The following PRMT8 variants were observed in gnomAD, a reference collection of about 807,000 sequenced individuals.
PRMT8 encodes the protein protein arginine N-methyltransferase 8.
Under a neutral mutation model 47.1 loss-of-function variants are expected in PRMT8, and 7 were observed. That is an observed-to-expected ratio of 0.15 (90% CI 0.08 to 0.28). The LOEUF is 0.28. Among genes scored for constraint, PRMT8 ranks in the 10% least tolerant of loss-of-function variants. The probability of loss-of-function intolerance (pLI) is 1.00; values close to 1 mark genes in which losing one functional copy is unlikely to be tolerated. For synonymous variants in PRMT8, 188 were observed against 186.5 expected (o/e 1.01, Z -0.07); for missense variants, 237 against 505.4 (o/e 0.47, Z 5.09).
chr12:3,563,359 G>C (rs530539912), intron 4 of PRMT8, among the ~76,000 whole-genome samples: 13 of 151,940 alleles, frequency 8.6e-5, no homozygotes, highest in Middle Eastern at 6.8e-3. Context: ...CTATGTTCTC[G>C]GGTGAGTGGG....
At chr12:3,455,686 C>T (rs917231441) in intron 1 of PRMT8, among the ~76,000 whole-genome samples, 4 of 152,222 alleles carry the variant, frequency 2.6e-5, no homozygotes, top group South Asian at 2.1e-4. Context: ...GGAGGGTCAG[C>T]GGGGGGTGGG....
At chr12:3,386,383 T>G (rs1322204661) in intron 1 of PRMT8, among the ~76,000 whole-genome samples, 3 of 152,244 alleles carry the variant, frequency 2.0e-5, no homozygotes, top group African/African-American at 7.2e-5. Context: ...AAGTCAAAAA[T>G]TATTTATTAC....
At chr12:3,518,316 G>A (rs555846021) in intron 1 of PRMT8, among the ~76,000 whole-genome samples, 8 of 151,782 alleles carry the variant, frequency 5.3e-5, no homozygotes, top group African/African-American at 1.5e-4. Context: ...TCTAATGTGC[G>A]CCCTCCTAGA....
chr12:3,459,352 C>T (rs772509306), intron 1 of PRMT8, among the ~76,000 whole-genome samples: 13 of 152,102 alleles, frequency 8.5e-5, no homozygotes, highest in Admixed American at 4.6e-4. Flanking sequence ...CTATTAGCCA[C>T]GATTTGAAGC....
At position 3,508,706 on chromosome 12, in the gene PRMT8, C is replaced by T. The variant is rs1373919564; in HGVS notation, c.75+17006C>T. The stretch of plus-strand genomic sequence containing the variant: ...CCCATCCACTCTCTCAGCGTCATGA[C>T]CAGTTCCCATTCTCAGACTGCAGCC... On this transcript the variant is annotated intron_variant, in intron 1 of 9. Coordinates refer to ENST00000382622, the MANE Select transcript of PRMT8 (RefSeq NM_019854.5). This position sits in a 1 kb window ranked among gnomAD's most constrained non-coding sequence, Gnocchi z 4.9. 3.3e-5 allele frequency among the ~76,000 whole-genome samples: 5 copies of T among 152,162 alleles called. No individual in the cohort carries two copies. The highest frequency in any genetic ancestry group is 7.3e-5 in the Non-Finnish European group (5 of 68,036).
chr12:3,424,918 G>C (rs4766117), intron 1 of PRMT8, among the ~76,000 whole-genome samples: 2 of 152,016 alleles, frequency 1.3e-5, no homozygotes, highest in African/African-American at 4.8e-5. Context: ...TTGGCCATGC[G>C]TGGACCAGTC....
rs57318833 is a variant in PRMT8 at position 3,384,138 on chromosome 12, G to A, written c.48+2696G>A. On this transcript the variant is annotated intron_variant, in intron 1 of 9. Coordinates refer to the PRMT8 transcript ENST00000452611. ...AAGAGTGGTAAGAGAGGATAGTCTT[G>A]CCTTCCTTCTGATCCCAAGGAGGAA... 8.8e-3 allele frequency among the ~76,000 whole-genome samples: 1,347 copies of A among 152,228 alleles called. 13 individuals are homozygous for A. Among genetic ancestry groups the A allele is most frequent in the African/African-American group, 0.03 (1,259 of 41,518 alleles).
At chr12:3,413,308 C>T (rs758161299) in intron 1 of PRMT8, among the ~76,000 whole-genome samples, 6 of 152,146 alleles carry the variant, frequency 3.9e-5, no homozygotes, top group African/African-American at 9.7e-5. Context: ...ATGTGTCTTG[C>T]CTCCCCTTTG....
rs1402027577 is a variant in PRMT8 at position 3,492,996 on chromosome 12, C to A, written c.75+1296C>A. Among the ~76,000 whole-genome samples the A allele has an allele frequency of 6.6e-6, 1 of 152,154 alleles. No homozygotes were observed. The highest frequency in any genetic ancestry group is 1.5e-5 in the Non-Finnish European group (1 of 68,030). ...GAGACCCTTCCTGGTCTTCTTCCCT[C>A]GAGTTCTTAACTCTGCGCTAAAACC... On this transcript the variant is annotated intron_variant, in intron 1 of 9. Transcript: ENST00000382622. This position sits in a 1 kb window ranked among gnomAD's most constrained non-coding sequence, Gnocchi z 7.5.
intron 1 of PRMT8, among the ~76,000 whole-genome samples, chr12:3,388,039 T>TTC (rs1864158120): frequency 3.1e-5 from 3 of 98,332 alleles, no homozygotes; most frequent in Admixed American, 1.2e-4. Context: ...CCTTTCTCCT[T>TTC]CTTTCCTTCC....
chr12:3,416,797 G>A (rs1864487949), intron 1 of PRMT8, among the ~76,000 whole-genome samples: 1 of 152,254 alleles, frequency 6.6e-6, no homozygotes, highest in South Asian at 2.1e-4. Context: ...AAGCACTGTA[G>A]TGGAAACCCA....
intron 1 of PRMT8, among the ~76,000 whole-genome samples, chr12:3,510,916 C>T (rs1003516860): frequency 6.6e-6 from 1 of 152,166 alleles, no homozygotes; most frequent in Non-Finnish European, 1.5e-5. Flanking sequence ...CTCGGGCCCT[C>T]AGCTGATACC....
At chr12:3,386,281 C>G (rs936203138) in intron 1 of PRMT8, among the ~76,000 whole-genome samples, 3 of 152,228 alleles carry the variant, frequency 2.0e-5, no homozygotes, top group Admixed American at 2.0e-4. Context: ...TGCCATCTCT[C>G]TTTTGATTGA....
chr12:3,401,723 A>C (rs1864319055), intron 1 of PRMT8, among the ~76,000 whole-genome samples: 1 of 152,186 alleles, frequency 6.6e-6, no homozygotes, highest in Admixed American at 6.5e-5. Flanking sequence ...ACTCCCATTC[A>C]CAATTGCTAC....
intron 1 of PRMT8, among the ~76,000 whole-genome samples, chr12:3,462,010 C>T (rs1865047610): frequency 6.6e-6 from 1 of 151,986 alleles, no homozygotes; most frequent in African/African-American, 2.4e-5. Flanking sequence ...AAGCCTAGTA[C>T]CCAATAGAGT....
Position 3,569,408 on chromosome 12 carries a change from A to T in PRMT8, c.625-69A>T. 7.8e-7 allele frequency: 1 copy of T among 1,278,342 alleles called. No homozygotes were observed. The highest frequency in any genetic ancestry group is 1.1e-6 in the Non-Finnish European group (1 of 873,596). 79.2% of individuals were successfully genotyped at this position (1,278,342 alleles called of 1,614,324 possible). ...GTGCTTGTCTGGTGACTCTATGTGC[A>T]GTTCAAAATGTGATGTCTTTGTCAG... On this transcript the variant is annotated intron_variant, in intron 5 of 9. Coordinates refer to ENST00000382622, the MANE Select transcript of PRMT8 (RefSeq NM_019854.5). The surrounding 1 kb of genome is among the most constrained non-coding windows in gnomAD (Gnocchi z 8.2).
intron 1 of PRMT8, among the ~76,000 whole-genome samples, chr12:3,471,579 C>G (rs1865163355): frequency 6.6e-6 from 1 of 151,556 alleles, no homozygotes; most frequent in Non-Finnish European, 1.5e-5. Context: ...GGCCCTGAGT[C>G]CCCCAACCCC....
At chr12:3,398,234 G>C (rs1484508352) in intron 1 of PRMT8, among the ~76,000 whole-genome samples, 2 of 152,212 alleles carry the variant, frequency 1.3e-5, no homozygotes, top group Non-Finnish European at 2.9e-5. Flanking sequence ...CTCCTCCCTC[G>C]AAATTTGGAT....
Position 3,540,620 on chromosome 12 carries a change from C to CG in PRMT8, c.90_91insG (p.Ser31ValfsTer11). ...CTTCCCCTCAGGTGAACAGCCCCCC[C>CG]TCCCAGCCCCCCCAGCCCGTCGTCC... On this transcript the variant is annotated frameshift_variant, in exon 2 of 10. Coordinates refer to ENST00000382622, the MANE Select transcript of PRMT8 (RefSeq NM_019854.5). LOFTEE classifies it high-confidence loss of function. 7 of 1,231,758 alleles carry CG rather than the reference C, an allele frequency of 5.7e-6. No homozygotes were observed. Among genetic ancestry groups the CG allele is most frequent in the Non-Finnish European group, 7.1e-6 (6 of 842,258 alleles). 76.3% of individuals were successfully genotyped at this position (1,231,758 alleles called of 1,614,324 possible).
Sources: gnomAD v4.1 joint callset for allele counts (sites outside exome capture counted in the v4.1 genomes callset) on GRCh38, gnomAD v4.1.1 for gene constraint, Gnocchi (gnomAD v3.1) non-coding constraint, MANE v1.5 for transcripts, NCBI Gene and HGNC (gene_info 2026-07-23, HGNC 2026-07-21) for gene names.